Variants in ADAM12 observed in about 807,000 individuals in gnomAD.
ADAM12 encodes ADAM metallopeptidase domain 12.
Under a neutral mutation model 106.4 loss-of-function variants are expected in ADAM12, and 70 were observed. That is an observed-to-expected ratio of 0.66 (90% CI 0.54 to 0.80). The LOEUF is 0.80. Ranked by LOEUF, ADAM12 falls within the 30% of genes least tolerant of loss-of-function variation. The pLI, the probability that ADAM12 is intolerant of heterozygous loss-of-function variation, is 0.00. For synonymous variants in ADAM12, 420 were observed against 433.5 expected, an observed-to-expected ratio of 0.97 and a Z score of 0.39; for missense variants, 1,010 against 1,171.9, an observed-to-expected ratio of 0.86 and a Z score of 2.02.
At chr10:126,255,099 GC>G (rs1958865321) in intron 3 of ADAM12, among the ~76,000 whole-genome samples, 1 of 152,284 alleles carries the variant, frequency 6.6e-6, no homozygotes, top group African/African-American at 2.4e-5. Flanking sequence ...CCTGTCGTGA[GC>G]CCATCTGCTG....
intron 11 of ADAM12, among the ~76,000 whole-genome samples, chr10:126,092,238 A>G (rs1955478588): frequency 6.6e-6 from 1 of 152,186 alleles, no homozygotes; most frequent in Non-Finnish European, 1.5e-5. Flanking sequence ...ATGATCAGGG[A>G]AATTAGACAC....
At chr10:126,196,555 G>A (rs547084509) in intron 3 of ADAM12, among the ~76,000 whole-genome samples, 52 of 152,318 alleles carry the variant, frequency 3.4e-4, no homozygotes, top group African/African-American at 1.1e-3. Flanking sequence ...AACTCTGATT[G>A]GCTCAATGAC....
chr10:126,233,579 G>C (rs1316760013), intron 3 of ADAM12, among the ~76,000 whole-genome samples: 4 of 152,154 alleles, frequency 2.6e-5, no homozygotes, highest in Non-Finnish European at 5.9e-5. Flanking sequence ...ATGGGAGCTA[G>C]GAAGGAGGGA....
rs1956863246 is a variant in ADAM12, at chr10:126,158,440, A to G, written c.261-3135T>C. On this transcript the variant is annotated intron_variant, in intron 3 of 22. Coordinates refer to ENST00000448723, the MANE Select transcript of ADAM12 (RefSeq NM_001288973.2). ...AGAGGATGCACAGAGCACGGGGAGG[A>G]TGCACAGAGCACGGGGAGAGAATGC... Among the ~76,000 whole-genome samples the G allele has an allele frequency of 6.1e-5, 4 of 66,044 alleles. 2 individuals carry two copies. Among genetic ancestry groups the G allele is most frequent in the African/African-American group, 9.0e-5 (2 of 22,334 alleles). The allele number at this position is 66,044 out of a possible 152,430, so 43.3% of individuals were successfully genotyped here.
intron 6 of ADAM12, among the ~76,000 whole-genome samples, 165 bp downstream of exon 6, chr10:126,117,873 G>A (rs1210633241): frequency 2.0e-5 from 2 of 99,630 alleles, no homozygotes; most frequent in Non-Finnish European, 4.5e-5. Context: ...GCTTATGGTT[G>A]TGTCCCACTG....
chr10:126,278,899 A>G lies in ADAM12; in HGVS notation c.260+16T>C, dbSNP rs1204994324. On this transcript the variant is annotated intron_variant, in intron 3 of 22. Transcript: ENST00000448723. Reference sequence around the variant, plus strand: ...TTAACTTTCTCCTATCATGCAATAAACAAGAATTAACTTACTCATTTCTTT... The same window carrying G: ...TTAACTTTCTCCTATCATGCAATAAGCAAGAATTAACTTACTCATTTCTTT... The G allele has an allele frequency of 1.9e-6, 3 of 1,586,076 alleles. No individual in the cohort carries two copies. Among genetic ancestry groups the G allele is most frequent in the South Asian group, 2.3e-5 (2 of 88,640 alleles).
intron 5 of ADAM12, among the ~76,000 whole-genome samples, chr10:126,124,642 T>C (rs541966460): frequency 6.6e-6 from 1 of 152,120 alleles, no homozygotes; most frequent in South Asian, 2.1e-4. Flanking sequence ...CCTGTAATCC[T>C]GGCATTTTGG....
At position 126,037,549 on chromosome 10, in the gene ADAM12, C is replaced by CTGTT. The variant is rs769286806; in HGVS notation, c.2349+688_2349+691dup. On this transcript the variant is annotated intron_variant, in intron 20 of 22. Transcript: ENST00000448723. ...TTTTTTTTGACACCAATCTTGTTCA[C>CTGTT]TGTTATAATTTGGACTCTTGTTGAC... 2.0e-5 allele frequency among the ~76,000 whole-genome samples: 3 copies of CTGTT among 152,126 alleles called. No individual in the cohort carries two copies. In the East Asian group the frequency reaches 5.8e-4, roughly 29 times the overall value.
chr10:126,120,182 C>T (rs952575616), intron 5 of ADAM12, among the ~76,000 whole-genome samples: 1 of 152,176 alleles, frequency 6.6e-6, no homozygotes, highest in African/African-American at 2.4e-5. Context: ...CCTGTAGGGG[C>T]TAAGGGAAAA....
intron 3 of ADAM12, among the ~76,000 whole-genome samples, chr10:126,167,258 C>A (rs748542202): frequency 6.6e-6 from 1 of 152,190 alleles, no homozygotes; most frequent in Non-Finnish European, 1.5e-5. Context: ...AGAGGTTAGG[C>A]AACTTTGCCG....
At chr10:126,252,446 A>G (rs1958805694) in intron 3 of ADAM12, among the ~76,000 whole-genome samples, 1 of 152,202 alleles carries the variant, frequency 6.6e-6, no homozygotes, top group African/African-American at 2.4e-5. Context: ...CAAAGGCCCG[A>G]ACACCAAGGG....
chr10:126,082,999 G>A (rs1467343141), intron 11 of ADAM12, among the ~76,000 whole-genome samples: 1 of 152,242 alleles, frequency 6.6e-6, no homozygotes, highest in Non-Finnish European at 1.5e-5. Context: ...GTGCAACCAA[G>A]TAGCACGCCT....
intron 3 of ADAM12, among the ~76,000 whole-genome samples, chr10:126,224,712 C>G (rs560011254): frequency 2.6e-4 from 39 of 152,360 alleles, no homozygotes; most frequent in African/African-American, 8.7e-4. Context: ...CCTGGCTCAC[C>G]TTGGCCCTGG....
intron 3 of ADAM12, among the ~76,000 whole-genome samples, chr10:126,217,558 G>T (rs2133846735): frequency 6.6e-6 from 1 of 151,526 alleles, no homozygotes; most frequent in South Asian, 2.1e-4. Flanking sequence ...GTAGAGACAG[G>T]GTTTCTCCAT....
intron 3 of ADAM12, among the ~76,000 whole-genome samples, chr10:126,165,498 G>A (rs913458205): frequency 6.6e-6 from 1 of 152,156 alleles, no homozygotes; most frequent in Non-Finnish European, 1.5e-5. Context: ...ACTTTATCTT[G>A]AAAGAGACTC....
At chr10:126,301,629 G>A (rs1307149342) in intron 2 of ADAM12, among the ~76,000 whole-genome samples, 1 of 152,126 alleles carries the variant, frequency 6.6e-6, no homozygotes, top group East Asian at 1.9e-4. Context: ...TGGAGAAGCA[G>A]GTTGTATTTA....
At chr10:126,246,804 C>A (rs1958638886) in intron 3 of ADAM12, among the ~76,000 whole-genome samples, 1 of 151,776 alleles carries the variant, frequency 6.6e-6, no homozygotes, top group South Asian at 2.1e-4. Context: ...TGGAAGCATT[C>A]CCTTTGAAAA....
chr10:126,381,389 A>G (rs1856484170), intron 1 of ADAM12, among the ~76,000 whole-genome samples: 2 of 150,056 alleles, frequency 1.3e-5, no homozygotes, highest in African/African-American at 2.4e-5. Flanking sequence ...TGTAATTCCA[A>G]CACTTTTGGG....
intron 3 of ADAM12, among the ~76,000 whole-genome samples, chr10:126,250,557 T>C (rs1461521192): frequency 6.6e-6 from 1 of 152,254 alleles, no homozygotes; most frequent in Non-Finnish European, 1.5e-5. Flanking sequence ...ACAACATTTT[T>C]CTGATTATTT....
Sources: gnomAD v4.1 joint callset for allele counts (sites outside exome capture counted in the v4.1 genomes callset) on GRCh38, gnomAD v4.1.1 for gene constraint, MANE v1.5 for transcripts, NCBI Gene and HGNC (gene_info 2026-07-23, HGNC 2026-07-21) for gene names.